The following GXYLT1 variants were observed in gnomAD, a reference collection of about 807,000 sequenced individuals.
GXYLT1 encodes glycosyltransferase 8 domain containing 3.
A neutral mutation model predicts 54.0 loss-of-function variants in GXYLT1; 29 were observed. The ratio of observed to expected loss-of-function variants is 0.54; its 90% CI spans 0.40 to 0.73. The LOEUF (loss-of-function observed/expected upper bound fraction) is 0.73, where lower values mean the gene tolerates loss of function less well. GXYLT1 is among the 30% of genes least tolerant of loss of function. The pLI is 0.00. For synonymous variants in GXYLT1, 176 were observed against 204.1 expected (o/e 0.86, Z 1.17); for missense variants, 490 against 553.4 (o/e 0.89, Z 1.15).
rs2065262785 is a variant in GXYLT1 at position 42,083,087 on chromosome 12, T to C, written c.*4699A>G. 6.6e-6 allele frequency: 1 copy of C among 152,230 alleles called. No individual in the cohort carries two copies. The highest frequency in any genetic ancestry group is 2.1e-4 in the South Asian group (1 of 4,832). 9.4% of individuals were successfully genotyped at this position (152,230 alleles called of 1,614,324 possible). On this transcript the variant is annotated 3_prime_UTR_variant, in exon 8 of 8. Coordinates refer to ENST00000398675, the MANE Select transcript of GXYLT1 (RefSeq NM_173601.2). ...AATATTTTCTATTTAAGTCTGACAT[T>C]GATTTGCAATCCATTTTAAACTGTT...
chr12:42,114,980 G>A (rs558558513), intron 3 of GXYLT1, among the ~76,000 whole-genome samples: 1 of 152,188 alleles, frequency 6.6e-6, no homozygotes, highest in African/African-American at 2.4e-5. Flanking sequence ...TTCAACATAT[G>A]GAAATCAATA....
In GXYLT1 at chr12:42,119,012, G is replaced by C. The variant is rs1292460391; in HGVS notation, c.474C>G (p.Ser158Arg). 8.1e-6 allele frequency: 13 copies of C among 1,613,166 alleles called. No homozygotes were observed. The highest frequency in any genetic ancestry group is 1.1e-5 in the Non-Finnish European group (13 of 1,179,322). The change falls in exon 3 of 8, where the codon AGC (serine) becomes AGG (arginine). Residue 158 changes from serine (S) to arginine (R), a missense_variant. By Grantham distance (110) the Ser-to-Arg change is moderately radical (BLOSUM62 -1). Around this residue, in one of 2 missense-constraint regions of GXYLT1, gnomAD observed 342 missense variants for 342.6 expected, o/e 1.00. Coordinates refer to ENST00000398675, the MANE Select transcript of GXYLT1 (RefSeq NM_173601.2). The stretch of plus-strand genomic sequence containing the variant: ...CTCAAATACTTACTCTGCCTTTAAA[G>C]CTATGATGTAGCTGATCTTCAGCAA... ...HIFAEDQLHH[S>R]FKGRLDNWSF... is the part of the protein sequence containing the mutation.
intron 1 of GXYLT1, among the ~76,000 whole-genome samples, chr12:42,141,386 T>C (rs1479960537): frequency 6.6e-6 from 1 of 152,212 alleles, no homozygotes; most frequent in East Asian, 1.9e-4. Flanking sequence ...TATAAATATG[T>C]TTTGCTTGAG....
At chr12:42,121,981 C>G (rs766471157) in intron 2 of GXYLT1, among the ~76,000 whole-genome samples, 7 of 152,094 alleles carry the variant, frequency 4.6e-5, no homozygotes, top group Non-Finnish European at 1.0e-4. Context: ...GAAGTGATAA[C>G]TAAAACCTTC....
In GXYLT1 at chr12:42,097,480, G is replaced by A; in HGVS notation, c.1123C>T (p.Gln375Ter). The A allele has an allele frequency of 6.3e-7, 1 of 1,599,252 alleles. No individual in the cohort carries two copies. The highest frequency in any genetic ancestry group is 8.5e-7 in the Non-Finnish European group (1 of 1,176,564). The change falls in exon 7 of 8, where the codon CAA (glutamine) becomes TAA (stop). Residue 375 changes from glutamine (Q) to a stop codon, truncating the protein, a stop_gained. Coordinates refer to ENST00000398675, the MANE Select transcript of GXYLT1 (RefSeq NM_173601.2). LOFTEE classifies it high-confidence loss of function. ...TCATAAACAGCTCTAAATGCTGGTT[G>A]CTTATCGTCATGGTAAACACCTCTG... ...GNRGVYHDDK[Q>*]PAFRAVYEAL...
At chr12:42,136,793 A>AAGAC (rs2065622317) in intron 1 of GXYLT1, among the ~76,000 whole-genome samples, 2 of 40,612 alleles carry the variant, frequency 4.9e-5, no homozygotes, top group African/African-American at 1.0e-4. Context: ...CATACAAACA[A>AAGAC]ACACACACAC....
intron 3 of GXYLT1, among the ~76,000 whole-genome samples, chr12:42,113,147 G>C (rs1486363373): frequency 4.0e-5 from 6 of 151,054 alleles, no homozygotes; most frequent in Admixed American, 3.9e-4. Flanking sequence ...AACATGGAAA[G>C]GAACAACCGG....
In GXYLT1 at chr12:42,086,825, A is replaced by C. The variant is rs2065296461; in HGVS notation, c.*961T>G. 6.6e-6 allele frequency: 1 copy of C among 152,182 alleles called. No homozygotes were observed. Among genetic ancestry groups the C allele is most frequent in the Non-Finnish European group, 1.5e-5 (1 of 68,032 alleles). 9.4% of individuals were successfully genotyped at this position (152,182 alleles called of 1,614,324 possible). ...CCGTTATGAGGTAGAAGACAAGTTT[A>C]AATGGACCATATTTTTCTACTCCAT... On this transcript the variant is annotated 3_prime_UTR_variant, in exon 8 of 8. Transcript: ENST00000398675.
chr12:42,087,850 A>G lies in GXYLT1; in HGVS notation c.1259T>C (p.Ile420Thr). The G allele has an allele frequency of 6.2e-7, 1 of 1,605,886 alleles. No homozygotes were observed. The highest frequency in any genetic ancestry group is 2.2e-5 in the East Asian group (1 of 44,630). Residue 420 changes from isoleucine to threonine, a missense_variant, in exon 8 of 8, where the codon ATA becomes ACA. By Grantham distance (89) the Ile-to-Thr change is moderately conservative (BLOSUM62 -1). This residue lies in a region of GXYLT1 where 342 missense variants were observed against 342.6 expected (regional missense o/e 1.00). Coordinates refer to ENST00000398675, the MANE Select transcript of GXYLT1 (RefSeq NM_173601.2). ...VHTYCGKIYK[I>T]FIKQLAKSVR... ...ACTTTTTGCTAGTTGTTTGATAAATATTTTGTAAATTTTTCCACAGTATGT... is the reference window on the plus strand; with the variant it reads ...ACTTTTTGCTAGTTGTTTGATAAATGTTTTGTAAATTTTTCCACAGTATGT...
Position 42,144,755 on chromosome 12 carries a change from A to C in GXYLT1, c.-109T>G, listed in dbSNP as rs2065673115. On this transcript the variant is annotated 5_prime_UTR_variant, in exon 1 of 8. Coordinates refer to ENST00000398675, the MANE Select transcript of GXYLT1 (RefSeq NM_173601.2). ...CGGGCGCAACAAGTTCCTCACCCGCAGCCGCCGCCGCCGCCTTGCGCCCGC... is the reference window on the plus strand; with the variant it reads ...CGGGCGCAACAAGTTCCTCACCCGCCGCCGCCGCCGCCGCCTTGCGCCCGC... The C allele has an allele frequency of 2.7e-6, 2 of 754,160 alleles. No homozygotes were observed. The highest frequency in any genetic ancestry group is 1.9e-5 in the African/African-American group (1 of 53,630). 46.7% of individuals were successfully genotyped at this position (754,160 alleles called of 1,614,324 possible).
At chr12:42,112,506 A>G (rs2065464544) in intron 3 of GXYLT1, among the ~76,000 whole-genome samples, 1 of 152,242 alleles carries the variant, frequency 6.6e-6, no homozygotes, top group Non-Finnish European at 1.5e-5. Flanking sequence ...CAGAAGCCTC[A>G]GTAGCCAATG....
At chr12:42,126,701 T>C (rs1201769837) in intron 2 of GXYLT1, among the ~76,000 whole-genome samples, 1 of 152,056 alleles carries the variant, frequency 6.6e-6, no homozygotes, top group Non-Finnish European at 1.5e-5. Flanking sequence ...GAGAACAGCC[T>C]GAGCAACATG....
At position 42,129,860 on chromosome 12, in the gene GXYLT1, G is replaced by GT. The variant is rs2065584581; in HGVS notation, c.222-10dup. On this transcript the variant is annotated splice_polypyrimidine_tract_variant and intron_variant, in intron 1 of 7. Coordinates refer to ENST00000398675, the MANE Select transcript of GXYLT1 (RefSeq NM_173601.2). ...GAGAGAAATCTTTACACCTAACAGA[G>GT]TAAGACAGAAATAAGAGTCCTGTGT... 1.9e-6 allele frequency: 3 copies of GT among 1,580,712 alleles called. No homozygotes were observed. Among genetic ancestry groups the GT allele is most frequent in the Non-Finnish European group, 2.6e-6 (3 of 1,150,108 alleles).
At chr12:42,134,380 C>G (rs573480116) in intron 1 of GXYLT1, among the ~76,000 whole-genome samples, 1 of 152,112 alleles carries the variant, frequency 6.6e-6, no homozygotes, top group Non-Finnish European at 1.5e-5. Context: ...GGTACAAACA[C>G]AGCTCACTAC....
chr12:42,096,176 G>A (rs972657684), intron 7 of GXYLT1, among the ~76,000 whole-genome samples: 7 of 152,092 alleles, frequency 4.6e-5, no homozygotes, highest in South Asian at 2.1e-4. Flanking sequence ...ATGTGTGCAC[G>A]CTTATACTTC....
rs2136884419 is a variant in GXYLT1, at chr12:42,101,397, A to G, written c.865-3364T>C. ...ACAACTACATATCCATACTAGGTAC[A>G]CACAAAAAGAGAAAATAAAATCATC... On this transcript the variant is annotated intron_variant, in intron 5 of 7. Coordinates refer to ENST00000398675, the MANE Select transcript of GXYLT1 (RefSeq NM_173601.2). 1.3e-5 allele frequency among the ~76,000 whole-genome samples: 2 copies of G among 152,334 alleles called. 1 individual carries two copies. The highest frequency in any genetic ancestry group is 4.1e-4 in the South Asian group (2 of 4,834).
rs1394748038 is a variant in GXYLT1 at position 42,144,838 on chromosome 12, G to A, written c.-192C>T. ...CGAGCGCAGTCGCGGCTCCGGAGCC[G>A]AAGGACTACCCGCCCGGAAGCCTGG... On this transcript the variant is annotated 5_prime_UTR_variant, in exon 1 of 8. Transcript: ENST00000398675. 8.1e-6 allele frequency: 3 copies of A among 371,998 alleles called. No homozygotes were observed. Among genetic ancestry groups the A allele is most frequent in the Middle Eastern group, 7.5e-4 (1 of 1,342 alleles). 23.0% of individuals were successfully genotyped at this position (371,998 alleles called of 1,614,324 possible). A position where few individuals can be genotyped will look rare whatever the true frequency, so the allele number is the denominator to read the frequency against.
chr12:42,092,899 A>G (rs990018663), intron 7 of GXYLT1, among the ~76,000 whole-genome samples: 8 of 152,166 alleles, frequency 5.3e-5, no homozygotes, highest in Admixed American at 1.3e-4. Context: ...ATGTTTTAAG[A>G]AACTTTATGA....
In GXYLT1 at chr12:42,137,144, C is replaced by T. The variant is rs1351034911; in HGVS notation, c.221+7282G>A. On this transcript the variant is annotated intron_variant, in intron 1 of 7. Coordinates refer to ENST00000398675, the MANE Select transcript of GXYLT1 (RefSeq NM_173601.2). Reference sequence around the variant, plus strand: ...ATAGGAGGCTTCAGTGAAAACTATGCAAAACTTACCAAAGAGTCAGTGATA... The same window carrying T: ...ATAGGAGGCTTCAGTGAAAACTATGTAAAACTTACCAAAGAGTCAGTGATA... 2.6e-5 allele frequency among the ~76,000 whole-genome samples: 4 copies of T among 152,100 alleles called. No individual in the cohort carries two copies. The East Asian group carries it at 7.7e-4, about 29-fold the overall frequency.
Sources: gnomAD v4.1 joint callset for allele counts (sites outside exome capture counted in the v4.1 genomes callset) on GRCh38, gnomAD v4.1.1 for gene constraint, gnomAD v4.1.1 regional missense constraint, MANE v1.5 for transcripts, NCBI Gene and HGNC (gene_info 2026-07-23, HGNC 2026-07-21) for gene names.